Variants in PTPN5 observed in about 807,000 individuals in gnomAD.
PTPN5 encodes the protein protein tyrosine phosphatase non-receptor type 5.
Under a neutral mutation model 73.9 loss-of-function variants are expected in PTPN5, and 29 were observed. The observed-to-expected ratio is 0.39, with a 90% CI of 0.29 to 0.54. PTPN5 has a LOEUF of 0.54. Among genes scored for constraint, PTPN5 ranks in the 20% least tolerant of loss-of-function variants. The probability of loss-of-function intolerance (pLI) is 0.65; values close to 1 mark genes in which losing one functional copy is unlikely to be tolerated. For synonymous variants in PTPN5, 267 were observed against 304.7 expected (o/e 0.88, Z 1.29); for missense variants, 652 against 751.4 (o/e 0.87, Z 1.55).
chr11:18,753,486 C>A (rs2134258772), intron 3 of PTPN5, among the ~76,000 whole-genome samples: 1 of 152,236 alleles, frequency 6.6e-6, no homozygotes, highest in East Asian at 1.9e-4. Flanking sequence ...GGATAAAAAC[C>A]AAAATCTTTG....
intron 2 of PTPN5, among the ~76,000 whole-genome samples, chr11:18,769,008 C>T (rs548046532): frequency 1.5e-3 from 226 of 152,296 alleles, no homozygotes; most frequent in African/African-American, 5.0e-3. Context: ...GCTGGGCTGC[C>T]CCCACCACTG....
rs79245675 is a variant in PTPN5, at chr11:18,746,623, C to T, written c.98-2424G>A. ...TCTTGTCTTCAAAAGGCTCCAGTCT[C>T]GTGGCTAAAACAGACCAGTAAAGAC... On this transcript the variant is annotated intron_variant, in intron 3 of 14. Transcript: ENST00000358540. Among the ~76,000 whole-genome samples, 128 of 152,244 alleles carry T rather than the reference C, an allele frequency of 8.4e-4. No individual in the cohort carries two copies. The East Asian group carries it at 0.025, about 29-fold the overall frequency.
intron 3 of PTPN5, among the ~76,000 whole-genome samples, chr11:18,746,015 T>C (rs572433006): frequency 6.6e-6 from 1 of 151,780 alleles, no homozygotes; most frequent in Non-Finnish European, 1.5e-5. Context: ...GTCTACAGCA[T>C]GTAGCGTAAG....
chr11:18,768,637 T>A (rs1310356894), intron 2 of PTPN5, among the ~76,000 whole-genome samples: 1 of 152,154 alleles, frequency 6.6e-6, no homozygotes, highest in Admixed American at 6.6e-5. Flanking sequence ...ATAAGCTTCC[T>A]AGAAAATGAC....
chr11:18,773,048 C>A (rs1017703311), intron 1 of PTPN5, among the ~76,000 whole-genome samples: 1 of 151,558 alleles, frequency 6.6e-6, no homozygotes, highest in African/African-American at 2.4e-5. Context: ...GGCATGTGGA[C>A]GGGCCTGGAA....
At chr11:18,751,746 T>A (rs987951203) in intron 3 of PTPN5, among the ~76,000 whole-genome samples, 6 of 152,216 alleles carry the variant, frequency 3.9e-5, no homozygotes, top group Admixed American at 2.6e-4. Context: ...TCACCACTTA[T>A]CAGCTACATG....
intron 4 of PTPN5, 81 bp downstream of exon 4, chr11:18,743,925 G>T: frequency 6.8e-7 from 1 of 1,469,464 alleles, no homozygotes. Context: ...CCTTCCAGGT[G>T]GCCATCCTGG....
At chr11:18,781,522 A>T (rs1280957269) in intron 1 of PTPN5, among the ~76,000 whole-genome samples, 3 of 151,720 alleles carry the variant, frequency 2.0e-5, no homozygotes, top group Non-Finnish European at 2.9e-5. Flanking sequence ...GTTTCACCAT[A>T]TTGGCTAGGG....
rs374508539 is a variant in PTPN5, at chr11:18,732,501, C to T, written c.1329+91G>A. On this transcript the variant is annotated intron_variant, in intron 12 of 14. Transcript: ENST00000358540. ...GTGACACTGGCTTTTATGTCAGTTA[C>T]AGTGGACTTGGGGGACCTGTTCTCT... 9 of 885,946 alleles carry T rather than the reference C, an allele frequency of 1.0e-5. No homozygotes were observed. The African/African-American group carries it at 1.5e-4, about 15-fold the overall frequency. 54.9% of individuals were successfully genotyped at this position (885,946 alleles called of 1,614,324 possible). A position where few individuals can be genotyped will look rare whatever the true frequency, so the allele number is the denominator to read the frequency against.
chr11:18,728,841 C>T lies in PTPN5; in HGVS notation c.*93G>A, dbSNP rs560350771. ...AGGGAGCTGACTGAAGGGGAGGAAG[C>T]GGGGAGCAGGCCCAGGACCCGAGGC... On this transcript the variant is annotated 3_prime_UTR_variant, in exon 15 of 15. Transcript: ENST00000358540. This position sits in a 1 kb window ranked among gnomAD's most constrained non-coding sequence, Gnocchi z 4.1. 102 of 1,226,672 alleles carry T rather than the reference C, an allele frequency of 8.3e-5. 1 individual carries two copies. The East Asian group carries it at 1.7e-3, about 21-fold the overall frequency. 76.0% of individuals were successfully genotyped at this position (1,226,672 alleles called of 1,614,324 possible).
chr11:18,779,468 A>T (rs1005318473), intron 1 of PTPN5, among the ~76,000 whole-genome samples: 1 of 152,230 alleles, frequency 6.6e-6, no homozygotes, highest in Non-Finnish European at 1.5e-5. Context: ...TAGCAGCTGC[A>T]GACCTACCAT....
At chr11:18,784,360 C>G (rs542538470) in intron 1 of PTPN5, among the ~76,000 whole-genome samples, 2 of 151,796 alleles carry the variant, frequency 1.3e-5, no homozygotes, top group Non-Finnish European at 2.9e-5. Context: ...CAGAGACGAC[C>G]CTTGAAAACA....
chr11:18,791,178 G>A (rs1371736569), intron 1 of PTPN5, among the ~76,000 whole-genome samples: 1 of 152,236 alleles, frequency 6.6e-6, no homozygotes, highest in Non-Finnish European at 1.5e-5. Context: ...TTCAGGCTCC[G>A]GAGAGGCGAT....
intron 3 of PTPN5, among the ~76,000 whole-genome samples, chr11:18,747,794 AAT>A (rs1182729193): frequency 6.6e-6 from 1 of 152,244 alleles, no homozygotes; most frequent in Non-Finnish European, 1.5e-5. Context: ...AGAAAGTACA[AAT>A]ATGTCTATAA....
chr11:18,753,713 A>C (rs1244449566), intron 3 of PTPN5, among the ~76,000 whole-genome samples: 1 of 152,158 alleles, frequency 6.6e-6, no homozygotes, highest in Admixed American at 6.5e-5. Flanking sequence ...GGAGCATGTA[A>C]GCCAGTGTTC....
rs1026920447 is a variant in PTPN5 at position 18,744,720 on chromosome 11, G to A, written c.98-521C>T. Among the ~76,000 whole-genome samples the A allele has an allele frequency of 5.8e-4, 89 of 152,282 alleles. 1 individual carries two copies. The Middle Eastern group carries it at 0.017, about 29-fold the overall frequency. ...CACCCCATCTCAAGACTCCCTGCAC[G>A]ATGAGAGGGGCTGGGGGCAGTTAGG... On this transcript the variant is annotated intron_variant, in intron 3 of 14. Coordinates refer to ENST00000358540, the MANE Select transcript of PTPN5 (RefSeq NM_006906.2).
At chr11:18,789,078 T>A (rs948837253) in intron 1 of PTPN5, among the ~76,000 whole-genome samples, 7 of 152,132 alleles carry the variant, frequency 4.6e-5, no homozygotes, top group Non-Finnish European at 1.0e-4. Flanking sequence ...AGGAATTTTT[T>A]GAGGGAGGAG....
In PTPN5 at chr11:18,738,029, T is replaced by C. The variant is rs181760399; in HGVS notation, c.916-65A>G. 6.6e-5 allele frequency: 89 copies of C among 1,358,560 alleles called. No individual in the cohort carries two copies. In the African/African-American group the frequency reaches 1.2e-3, roughly 19 times the overall value. The allele number at this position is 1,358,560 out of a possible 1,614,324, so 84.2% of individuals were successfully genotyped here. A position where few individuals can be genotyped will look rare whatever the true frequency, so the allele number is the denominator to read the frequency against. On this transcript the variant is annotated intron_variant, in intron 8 of 14. Transcript: ENST00000358540. ...CTCACAGATGTTTGAATCCAGGGGCTGCTGTGCCCCCAACTCCTAGCCCAG... is the reference window on the plus strand; with the variant it reads ...CTCACAGATGTTTGAATCCAGGGGCCGCTGTGCCCCCAACTCCTAGCCCAG...
At position 18,743,359 on chromosome 11, in the gene PTPN5, G is replaced by C. The variant is rs147325408; in HGVS notation, c.362C>G (p.Ser121Cys). The stretch of plus-strand genomic sequence containing the variant: ...CTGTTTCAGGAGCGTCAGCAAAGAG[G>C]AGACGAGGTTTGTGGCGTTCTGTGA... ...IWSQNATNLV[S>C]SLLTLLKQLE... The change falls in exon 5 of 15, where the codon TCC becomes TGC. Residue 121 changes from serine to cysteine, a missense_variant. Physicochemically the swap from Ser to Cys is moderately radical, Grantham distance 112 (BLOSUM62 -1). Transcript: ENST00000358540. 30 of 1,614,066 alleles carry C rather than the reference G, an allele frequency of 1.9e-5. No homozygotes were observed. In the African/African-American group the frequency reaches 3.5e-4, roughly 19 times the overall value.
Sources: allele counts gnomAD v4.1 joint callset (sites outside exome capture counted in the v4.1 genomes callset), GRCh38; gene constraint gnomAD v4.1.1; non-coding constraint Gnocchi (gnomAD v3.1); transcripts MANE v1.5; gene names NCBI Gene and HGNC (gene_info 2026-07-23, HGNC 2026-07-21).